FGF7: variants seen among roughly 807,000 people sequenced by gnomAD.
The protein encoded by FGF7 is fibroblast growth factor 7.
Under a neutral mutation model 20.5 loss-of-function variants are expected in FGF7, and 6 were observed. The ratio of observed to expected loss-of-function variants is 0.29; its 90% CI spans 0.16 to 0.58. The LOEUF (loss-of-function observed/expected upper bound fraction) is 0.58. FGF7 is among the 20% of genes least tolerant of loss of function. FGF7 has a pLI of 0.90. For missense variants in FGF7, 144 were observed against 228.8 expected, an observed-to-expected ratio of 0.63 and a Z score of 2.39; for synonymous variants, 64 against 74.7, an observed-to-expected ratio of 0.86 and a Z score of 0.74.
At chr15:49,463,162 C>G (rs2053953844) in intron 2 of FGF7, among the ~76,000 whole-genome samples, 1 of 152,230 alleles carries the variant, frequency 6.6e-6, no homozygotes, top group African/African-American at 2.4e-5. Flanking sequence ...GTACTACAAT[C>G]TCTTCACTGG....
chr15:49,486,005 C>T lies in FGF7; in HGVS notation c.*1501C>T, dbSNP rs1200468477. On this transcript the variant is annotated 3_prime_UTR_variant, in exon 4 of 4. Transcript: ENST00000267843. ...AGGCTTGAGGTCAGCCTACAGATAA[C>T]AGGATTATTACAAGGATGAATTTCC... 6.6e-6 allele frequency: 1 copy of T among 151,950 alleles called. No homozygotes were observed. The highest frequency in any genetic ancestry group is 1.5e-5 in the Non-Finnish European group (1 of 67,928). 9.4% of individuals were successfully genotyped at this position (151,950 alleles called of 1,614,324 possible). A position where few individuals can be genotyped will look rare whatever the true frequency, so the allele number is the denominator to read the frequency against.
At chr15:49,426,124 A>C (rs1372485683) in intron 2 of FGF7, among the ~76,000 whole-genome samples, 1 of 151,306 alleles carries the variant, frequency 6.6e-6, no homozygotes, top group Non-Finnish European at 1.5e-5. Flanking sequence ...ACATGGGGCA[A>C]CTCCCTGTCT....
chr15:49,463,039 T>A (rs1597359797), intron 2 of FGF7, among the ~76,000 whole-genome samples: 1 of 152,148 alleles, frequency 6.6e-6, no homozygotes, highest in African/African-American at 2.4e-5. Context: ...AGATTCAGGA[T>A]CTATATGAAC....
At chr15:49,436,714 A>G (rs1284593651) in intron 2 of FGF7, among the ~76,000 whole-genome samples, 2 of 151,576 alleles carry the variant, frequency 1.3e-5, no homozygotes, top group African/African-American at 4.8e-5. Flanking sequence ...ATAGCTAGTA[A>G]CTGTCAAAGT....
chr15:49,471,386 A>G (rs7167625), intron 2 of FGF7, among the ~76,000 whole-genome samples: 105,415 of 151,214 alleles, frequency 0.7, 37,017 homozygotes, highest in East Asian at 0.93. Context: ...AGGAGGCTGA[A>G]GGAGGAGAAT....
At chr15:49,442,241 C>CTA (rs1447301929) in intron 2 of FGF7, among the ~76,000 whole-genome samples, 1 of 151,558 alleles carries the variant, frequency 6.6e-6, no homozygotes. Flanking sequence ...TTTTCCTAGA[C>CTA]TATAAACATC....
intron 3 of FGF7, among the ~76,000 whole-genome samples, chr15:49,483,651 C>T (rs1187798955): frequency 2.0e-5 from 3 of 152,000 alleles, no homozygotes; most frequent in Non-Finnish European, 4.4e-5. Flanking sequence ...ATGTTTAGTT[C>T]ATTCATCAAC....
chr15:49,427,795 A>T (rs2050254095), intron 2 of FGF7, among the ~76,000 whole-genome samples: 1 of 151,932 alleles, frequency 6.6e-6, no homozygotes, highest in African/African-American at 2.4e-5. Flanking sequence ...TAGATGTATA[A>T]TTCTGCTTCC....
At chr15:49,473,166 CAT>C (rs2054935244) in intron 2 of FGF7, among the ~76,000 whole-genome samples, 1 of 152,084 alleles carries the variant, frequency 6.6e-6, no homozygotes, top group Non-Finnish European at 1.5e-5. Flanking sequence ...CCTCCACAAA[CAT>C]ATCAAATATG....
intron 2 of FGF7, among the ~76,000 whole-genome samples, chr15:49,464,241 C>T (rs746700862): frequency 1.3e-5 from 2 of 152,032 alleles, no homozygotes; most frequent in Non-Finnish European, 2.9e-5. Flanking sequence ...CTTTATTTCC[C>T]GAAGGATATT....
intron 2 of FGF7, among the ~76,000 whole-genome samples, chr15:49,448,190 G>T (rs2052397601): frequency 6.6e-6 from 1 of 151,662 alleles, no homozygotes; most frequent in Admixed American, 6.6e-5. Context: ...TAAATTACTA[G>T]AACTTTCTTT....
intron 2 of FGF7, among the ~76,000 whole-genome samples, chr15:49,438,415 C>G (rs778891489): frequency 7.9e-5 from 12 of 151,704 alleles, no homozygotes; most frequent in Non-Finnish European, 1.5e-4. Context: ...CTTTGTTCCA[C>G]CCAGTCTTTG....
intron 2 of FGF7, among the ~76,000 whole-genome samples, chr15:49,447,692 G>C (rs562353166): frequency 5.3e-5 from 8 of 151,770 alleles, no homozygotes; most frequent in African/African-American, 1.7e-4. Flanking sequence ...GGTAAAACAT[G>C]CAATCAATTC....
chr15:49,465,287 G>A (rs1473034260), intron 2 of FGF7, among the ~76,000 whole-genome samples: 1 of 149,190 alleles, frequency 6.7e-6, no homozygotes, highest in Non-Finnish European at 1.5e-5. Flanking sequence ...CTGCCACCAT[G>A]TCTGGCTTTT....
chr15:49,444,173 T>A (rs1849706546), intron 2 of FGF7, among the ~76,000 whole-genome samples: 1 of 151,650 alleles, frequency 6.6e-6, no homozygotes, highest in Non-Finnish European at 1.5e-5. Context: ...GAACCATATG[T>A]ACTATTTAAT....
chr15:49,471,591 A>T (rs1191291780), intron 2 of FGF7, among the ~76,000 whole-genome samples: 2 of 151,732 alleles, frequency 1.3e-5, no homozygotes, highest in African/African-American at 2.4e-5. Context: ...AGAGTACTGA[A>T]CATAGTTAAG....
At chr15:49,467,230 G>GT (rs769924782) in intron 2 of FGF7, among the ~76,000 whole-genome samples, 18 of 152,138 alleles carry the variant, frequency 1.2e-4, no homozygotes, top group Non-Finnish European at 2.1e-4. Context: ...AACATGCTTT[G>GT]TGACTCCTAG....
chr15:49,476,939 A>T (rs1372544785), intron 2 of FGF7, among the ~76,000 whole-genome samples: 4 of 152,078 alleles, frequency 2.6e-5, no homozygotes, highest in Non-Finnish European at 5.9e-5. Flanking sequence ...GGGTGCCTGT[A>T]GTCCCAGCTA....
intron 2 of FGF7, among the ~76,000 whole-genome samples, chr15:49,430,233 T>G (rs1310041736): frequency 4.6e-5 from 7 of 151,890 alleles, no homozygotes; most frequent in African/African-American, 1.7e-4. Context: ...AAGAATAGGT[T>G]CTGTACCACA....
Sources: gnomAD v4.1 joint callset for allele counts (sites outside exome capture counted in the v4.1 genomes callset) on GRCh38, gnomAD v4.1.1 for gene constraint, MANE v1.5 for transcripts, NCBI Gene and HGNC (gene_info 2026-07-23, HGNC 2026-07-21) for gene names.